The following POC1A variants were observed in gnomAD, a reference collection of about 807,000 sequenced individuals.
POC1A encodes the protein POC1 centriolar protein A.
Under a neutral mutation model 47.8 loss-of-function variants are expected in POC1A, and 34 were observed. The observed-to-expected ratio is 0.71, with a 90% CI of 0.54 to 0.95. POC1A has a LOEUF of 0.95. POC1A is among the 40% of genes least tolerant of loss of function. The pLI is 0.00. For missense variants in POC1A, 466 were observed against 528.3 expected, an observed-to-expected ratio of 0.88 and a Z score of 1.16; for synonymous variants, 177 against 207.6, an observed-to-expected ratio of 0.85 and a Z score of 1.27.
chr3:52,087,334 C>T (rs151006238), intron 10 of POC1A, among the ~76,000 whole-genome samples: 127 of 152,324 alleles, frequency 8.3e-4, no homozygotes, highest in Non-Finnish European at 1.4e-3. Context: ...CAGGATCACA[C>T]AGCCAATTCA....
At position 52,149,274 on chromosome 3, in the gene POC1A, C is replaced by T. The variant is rs371756434; in HGVS notation, c.391G>A (p.Ala131Thr). The T allele has an allele frequency of 8.9e-5, 144 of 1,614,016 alleles. No individual in the cohort carries two copies. The highest frequency in any genetic ancestry group is 1.2e-4 in the Non-Finnish European group (141 of 1,180,006). The change falls in exon 4 of 11, where the codon GCA becomes ACA. Residue 131 changes from alanine to threonine, a missense_variant. By Grantham distance (58) the Ala-to-Thr change is moderately conservative. Coordinates refer to ENST00000296484, the MANE Select transcript of POC1A (RefSeq NM_015426.5). Reference protein sequence around the residue: ...ASDDKTVKVWATHRQKFLFSL... With the variant: ...ASDDKTVKVWTTHRQKFLFSL... Reference sequence around the variant, plus strand: ...AACAGGAATTTCTGGCGATGAGTTGCCCACACTTTGACTGTCTTGTCGTCA... The same window carrying T: ...AACAGGAATTTCTGGCGATGAGTTGTCCACACTTTGACTGTCTTGTCGTCA...
chr3:52,147,113 C>T lies in POC1A; in HGVS notation c.456-18G>A, dbSNP rs759047065. ...GGGAGAACCTGAACCGGGTGGGGCA[C>T]AAGTCACATCACAGACTAACAGACG... On this transcript the variant is annotated intron_variant, in intron 4 of 10. Coordinates refer to ENST00000296484, the MANE Select transcript of POC1A (RefSeq NM_015426.5). The T allele has an allele frequency of 6.3e-7, 1 of 1,579,156 alleles. No individual in the cohort carries two copies. The highest frequency in any genetic ancestry group is 8.7e-7 in the Non-Finnish European group (1 of 1,148,490).
At chr3:52,132,600 G>A (rs532124728) in intron 7 of POC1A, among the ~76,000 whole-genome samples, 3 of 152,282 alleles carry the variant, frequency 2.0e-5, no homozygotes. Flanking sequence ...GGGCAGATTT[G>A]AGAGGCAGAG....
chr3:52,112,459 C>T (rs575541025), intron 9 of POC1A, among the ~76,000 whole-genome samples: 4 of 152,130 alleles, frequency 2.6e-5, no homozygotes, highest in Admixed American at 2.0e-4. Context: ...GCCAACATGG[C>T]GAAACCCCAT....
intron 8 of POC1A, 142 bp downstream of exon 8, chr3:52,124,971 C>G: frequency 1.6e-6 from 1 of 641,974 alleles, no homozygotes. Flanking sequence ...ACCCCAAGCG[C>G]CATCAGGGCC....
chr3:52,100,168 G>A (rs1335063311), intron 9 of POC1A, among the ~76,000 whole-genome samples: 3 of 152,286 alleles, frequency 2.0e-5, no homozygotes, highest in East Asian at 3.9e-4. Flanking sequence ...TTCACACACA[G>A]TAGGAATTGC....
At chr3:52,153,835 C>T (rs1698632939) in intron 1 of POC1A, among the ~76,000 whole-genome samples, 1 of 152,280 alleles carries the variant, frequency 6.6e-6, no homozygotes, top group African/African-American at 2.4e-5. Flanking sequence ...CCTGACTCTC[C>T]AATCAGCCAG....
At chr3:52,087,962 C>T (rs530055125) in intron 10 of POC1A, among the ~76,000 whole-genome samples, 5 of 152,338 alleles carry the variant, frequency 3.3e-5, no homozygotes, top group African/African-American at 1.2e-4. Context: ...GACTCTGACT[C>T]CAGGGTGAGT....
chr3:52,096,853 C>G, intron 9 of POC1A, 141 bp from the exon 10 acceptor site: 1 of 732,310 alleles, frequency 1.4e-6, no homozygotes, highest in Non-Finnish European at 2.2e-6. Flanking sequence ...TAAGAAACAG[C>G]AGCGTGGCGG....
chr3:52,077,189 C>T (rs898801629), intron 10 of POC1A, among the ~76,000 whole-genome samples: 5 of 152,214 alleles, frequency 3.3e-5, no homozygotes, highest in African/African-American at 1.2e-4. Flanking sequence ...GCCTTGACTC[C>T]GGTACTGTGC....
rs1021823013 is a variant in POC1A, at chr3:52,108,552, C to T, written c.982-11840G>A. 5.3e-5 allele frequency among the ~76,000 whole-genome samples: 8 copies of T among 152,130 alleles called. No individual in the cohort carries two copies. The East Asian group carries it at 1.3e-3, about 26-fold the overall frequency. On this transcript the variant is annotated intron_variant, in intron 9 of 10. Transcript: ENST00000296484. ...GTTCAATGGAGAGTGTTAGAGCCAC[C>T]GACCACACCCCAGGCATCACTCCCA...
At chr3:52,148,593 G>A (rs1698446442) in intron 4 of POC1A, among the ~76,000 whole-genome samples, 1 of 152,252 alleles carries the variant, frequency 6.6e-6, no homozygotes, top group African/African-American at 2.4e-5. Flanking sequence ...GCACAGCACT[G>A]GCTCCCTGGC....
chr3:52,107,821 T>C (rs1703240872), intron 9 of POC1A, among the ~76,000 whole-genome samples: 1 of 152,194 alleles, frequency 6.6e-6, no homozygotes, highest in Non-Finnish European at 1.5e-5. Flanking sequence ...TACACAACCA[T>C]AGGACAATGA....
At chr3:52,132,987 A>T (rs1704290226) in intron 7 of POC1A, among the ~76,000 whole-genome samples, 1 of 151,944 alleles carries the variant, frequency 6.6e-6, no homozygotes, top group Non-Finnish European at 1.5e-5. Context: ...CGGAGGTTGC[A>T]GTGAGCCGAG....
In POC1A at chr3:52,079,523, A is replaced by G. The variant is rs768906559; in HGVS notation, c.1126-3538T>C. On this transcript the variant is annotated intron_variant, in intron 10 of 10. Transcript: ENST00000296484. The surrounding 1 kb of genome is among the most constrained non-coding windows in gnomAD (Gnocchi z 4.6). The stretch of plus-strand genomic sequence containing the variant: ...AAGGAAAAATGAGCGCTGACCTTCC[A>G]AACAGTTCCTTGATCACACTGCCTC... 6.6e-6 allele frequency among the ~76,000 whole-genome samples: 1 copy of G among 152,262 alleles called. No individual in the cohort carries two copies. The highest frequency in any genetic ancestry group is 1.5e-5 in the Non-Finnish European group (1 of 68,042).
chr3:52,122,081 T>C (rs1314882196), intron 9 of POC1A, among the ~76,000 whole-genome samples: 1 of 152,158 alleles, frequency 6.6e-6, no homozygotes, highest in Admixed American at 6.5e-5. Flanking sequence ...CCTTGTCTCC[T>C]AAGGCCTCAA....
chr3:52,122,075 G>C (rs1212904561), intron 9 of POC1A, among the ~76,000 whole-genome samples: 1 of 152,182 alleles, frequency 6.6e-6, no homozygotes. Flanking sequence ...CGGGTCCCTT[G>C]TCTCCTAAGG....
chr3:52,131,246 C>G (rs1704200122), intron 7 of POC1A, among the ~76,000 whole-genome samples: 2 of 152,176 alleles, frequency 1.3e-5, no homozygotes, highest in Non-Finnish European at 2.9e-5. Context: ...CACACTGCCC[C>G]CCACGCTTGC....
At chr3:52,150,013 C>G (rs760498105) in intron 2 of POC1A, 26 bp from the exon 3 acceptor site, 1 of 1,599,150 alleles carries the variant, frequency 6.3e-7, no homozygotes, top group Non-Finnish European at 8.5e-7. Context: ...GATGCTATGA[C>G]CTACAGCTCT....
Sources: allele counts gnomAD v4.1 joint callset (sites outside exome capture counted in the v4.1 genomes callset), GRCh38; gene constraint gnomAD v4.1.1; non-coding constraint Gnocchi (gnomAD v3.1); transcripts MANE v1.5; gene names NCBI Gene and HGNC (gene_info 2026-07-23, HGNC 2026-07-21).